Variants in SMAP1 observed in about 807,000 individuals in gnomAD.
SMAP1 encodes the protein small ArfGAP 1, also known as stromal membrane-associated protein 1.
A neutral mutation model predicts 58.5 loss-of-function variants in SMAP1; 24 were observed. That is an observed-to-expected ratio of 0.41 (90% CI 0.30 to 0.58). SMAP1 has a LOEUF of 0.58. Ranked by LOEUF, SMAP1 falls within the 20% of genes least tolerant of loss-of-function variation. The pLI is 0.29. For missense variants in SMAP1, 563 were observed against 566.3 expected (o/e 0.99, Z 0.06); for synonymous variants, 216 against 196.6 (o/e 1.10, Z -0.82).
At chr6:70,858,282 TA>T in intron 10 of SMAP1, 53 bp downstream of exon 10, 3 of 687,402 alleles carry the variant, frequency 4.4e-6, no homozygotes, top group East Asian at 4.0e-5. Flanking sequence ...ATTTATTTTC[TA>T]AATCTTTTTT....
At chr6:70,840,233 C>A (rs1010305011) in intron 7 of SMAP1, among the ~76,000 whole-genome samples, 9 of 152,194 alleles carry the variant, frequency 5.9e-5, no homozygotes, top group Admixed American at 6.5e-5. Context: ...TTCTTTATCA[C>A]TCTTAACAGT....
chr6:70,735,131 A>G (rs1765572080), intron 2 of SMAP1, among the ~76,000 whole-genome samples: 2 of 152,226 alleles, frequency 1.3e-5, no homozygotes, highest in South Asian at 4.1e-4. Context: ...TATAAAACCA[A>G]AAAAAGAAAA....
chr6:70,694,769 C>CA (rs1767328392), intron 1 of SMAP1: 1 of 152,162 alleles, frequency 6.6e-6, no homozygotes, highest in African/African-American at 2.4e-5. Context: ...GGCTGTATAC[C>CA]ATATAGGGTT....
At chr6:70,858,332 C>A (rs879024739) in intron 10 of SMAP1, 103 bp downstream of exon 10, 3 of 1,034,476 alleles carry the variant, frequency 2.9e-6, no homozygotes, top group Non-Finnish European at 3.9e-6. Flanking sequence ...AGTGATCTGG[C>A]AGAAAGAATT....
In SMAP1 at chr6:70,857,999, G is replaced by C; in HGVS notation, c.1039G>C (p.Val347Leu). ...ATTTCAGGGCTTTCCATCGATGGGC[G>C]TGCCTGTGCCTGCAGCTCCTGGCCT... ...AAFQGFPSMG[V>L]PVPAAPGLIG... The change falls in exon 10 of 11, where the codon GTG becomes CTG. Residue 347 changes from valine (V) to leucine (L), a missense_variant. This residue lies in a region of SMAP1 where 494 missense variants were observed against 473.8 expected (regional missense o/e 1.04). Transcript: ENST00000370455. 6.2e-7 allele frequency: 1 copy of C among 1,614,130 alleles called. No individual in the cohort carries two copies. The highest frequency in any genetic ancestry group is 8.5e-7 in the Non-Finnish European group (1 of 1,179,998).
intron 4 of SMAP1, among the ~76,000 whole-genome samples, chr6:70,783,771 G>A (rs1336082136): frequency 6.6e-6 from 1 of 152,116 alleles, no homozygotes; most frequent in Non-Finnish European, 1.5e-5. Context: ...AAAAAGAAAC[G>A]AACAAAGTCT....
chr6:70,788,326 G>A (rs535545563), intron 4 of SMAP1, among the ~76,000 whole-genome samples: 1 of 148,110 alleles, frequency 6.8e-6, no homozygotes, highest in African/African-American at 2.5e-5. Flanking sequence ...GGGAGGGATA[G>A]CATTAGGAGA....
At chr6:70,791,861 T>C (rs45495098) in intron 5 of SMAP1, 92 bp downstream of exon 5, 16,644 of 1,017,150 alleles carry the variant, frequency 0.016, 196 homozygotes, top group Non-Finnish European at 0.019. Context: ...ACTATAATAG[T>C]TGTTGATATT....
rs79490380 is a variant in SMAP1, at chr6:70,839,392, C to T, written c.664+2364C>T. On this transcript the variant is annotated intron_variant, in intron 7 of 10. Coordinates refer to ENST00000370455, the MANE Select transcript of SMAP1 (RefSeq NM_001044305.3). ...TTGTATCAGTTTCTAAAGTAGTCAG[C>T]TCTTGCTGTGTGTGTTACATAGCAA... Among the ~76,000 whole-genome samples, 248 of 152,296 alleles carry T rather than the reference C, an allele frequency of 1.6e-3. 1 individual carries two copies. Among genetic ancestry groups the T allele is most frequent in the African/African-American group, 5.6e-3 (232 of 41,566 alleles).
At chr6:70,799,887 A>G (rs1390173075) in intron 6 of SMAP1, among the ~76,000 whole-genome samples, 1 of 152,134 alleles carries the variant, frequency 6.6e-6, no homozygotes, top group African/African-American at 2.4e-5. Flanking sequence ...CTTACCATCA[A>G]AGTAATTTCA....
intron 7 of SMAP1, among the ~76,000 whole-genome samples, chr6:70,848,976 A>G (rs1377722280): frequency 1.3e-5 from 2 of 152,246 alleles, no homozygotes; most frequent in East Asian, 1.9e-4. Flanking sequence ...GATAGTAACT[A>G]GAAAAATTGA....
intron 4 of SMAP1, among the ~76,000 whole-genome samples, chr6:70,776,281 C>T (rs1010124850): frequency 4.6e-5 from 7 of 152,124 alleles, no homozygotes; most frequent in African/African-American, 1.7e-4. Context: ...CTTGCGGGTT[C>T]AAGCAATTCT....
chr6:70,783,144 C>T (rs1431296713), intron 4 of SMAP1, among the ~76,000 whole-genome samples: 1 of 152,188 alleles, frequency 6.6e-6, no homozygotes, highest in African/African-American at 2.4e-5. Flanking sequence ...CGCTGTTCTA[C>T]AGCCACCGCT....
chr6:70,823,758 TTTTA>T (rs1225604846), intron 6 of SMAP1, among the ~76,000 whole-genome samples: 1 of 152,114 alleles, frequency 6.6e-6, no homozygotes, highest in African/African-American at 2.4e-5. Context: ...TTGTATTATT[TTTTA>T]TTTTTATTTA....
At chr6:70,836,496 AAAT>A (rs1770592093) in intron 6 of SMAP1, among the ~76,000 whole-genome samples, 2 of 152,350 alleles carry the variant, frequency 1.3e-5, no homozygotes, top group South Asian at 4.1e-4. Flanking sequence ...AGTAGCTAGG[AAAT>A]AATATGAAAT....
rs139108005 is a variant in SMAP1 at position 70,811,573 on chromosome 6, G to GACAC, written c.576+12852_576+12855dup. On this transcript the variant is annotated intron_variant, in intron 6 of 10. Transcript: ENST00000370455. ...TTTGCTCCAGGACCCCACCCCTGCT[G>GACAC]ACACACACACACACACACATACCAA... Among the ~76,000 whole-genome samples, 727 of 150,402 alleles carry GACAC rather than the reference G, an allele frequency of 4.8e-3. 8 individuals are homozygous for GACAC. The highest frequency in any genetic ancestry group is 0.014 in the African/African-American group (565 of 41,060).
At chr6:70,764,223 G>A (rs1430652033) in intron 3 of SMAP1, among the ~76,000 whole-genome samples, 2 of 152,090 alleles carry the variant, frequency 1.3e-5, no homozygotes, top group Admixed American at 1.3e-4. Context: ...GGTTCATGAA[G>A]TTTAAGAAAA....
At chr6:70,841,382 GT>G (rs992396497) in intron 7 of SMAP1, among the ~76,000 whole-genome samples, 1 of 152,148 alleles carries the variant, frequency 6.6e-6, no homozygotes, top group African/African-American at 2.4e-5. Flanking sequence ...TATGTGTCGG[GT>G]GCACTGCCGA....
chr6:70,668,591 C>A (rs1581967035), intron 1 of SMAP1: 4 of 1,535,710 alleles, frequency 2.6e-6, no homozygotes, highest in Non-Finnish European at 1.7e-6. Flanking sequence ...GGTGTGACCA[C>A]GTCCTCCCAC....
Sources: allele counts gnomAD v4.1 joint callset (sites outside exome capture counted in the v4.1 genomes callset), GRCh38; gene constraint gnomAD v4.1.1; regional missense constraint gnomAD v4.1.1; transcripts MANE v1.5; gene names NCBI Gene and HGNC (gene_info 2026-07-23, HGNC 2026-07-21).